Variants in MARK1 observed in about 807,000 individuals in gnomAD.
MARK1 encodes microtubule affinity regulating kinase 1.
In MARK1, 40 loss-of-function variants were observed where a neutral mutation model predicts 96.3. The ratio of observed to expected loss-of-function variants is 0.42; its 90% confidence interval spans 0.32 to 0.54. The LOEUF (loss-of-function observed/expected upper bound fraction) is 0.54, where lower values mean the gene tolerates loss of function less well. Ranked by LOEUF, MARK1 falls within the 20% of genes least tolerant of loss-of-function variation. The pLI is 0.16. For synonymous variants in MARK1, 317 were observed against 341.2 expected (o/e 0.93, Z 0.78); for missense variants, 719 against 984.6 (o/e 0.73, Z 3.61).
chr1:220,585,984 TACACACACACACACAC>T (rs1553322886), intron 3 of MARK1, among the ~76,000 whole-genome samples: 5 of 52,894 alleles, frequency 9.5e-5, no homozygotes, highest in African/African-American at 2.1e-4. Flanking sequence ...TACATACGTA[TACACACACACACACAC>T]ACACACACAC....
chr1:220,641,797 G>C (rs867236534), intron 13 of MARK1, among the ~76,000 whole-genome samples: 1 of 152,064 alleles, frequency 6.6e-6, no homozygotes, highest in Non-Finnish European at 1.5e-5. Flanking sequence ...GGGGGTGGGC[G>C]GTTCACCCAG....
intron 13 of MARK1, among the ~76,000 whole-genome samples, chr1:220,643,237 C>G (rs1668380393): frequency 6.6e-6 from 1 of 152,100 alleles, no homozygotes; most frequent in Admixed American, 6.5e-5. Context: ...ACTAGAATAA[C>G]CAGTTTAGAG....
rs560898355 is a variant in MARK1, at chr1:220,653,416, T to A, written c.1988+64T>A. Reference sequence around the variant, plus strand: ...AAATTATAAAGGAAACTAGACTTTTTAAAAAAATCTTTATAATAATTTTCT... The same window carrying A: ...AAATTATAAAGGAAACTAGACTTTTAAAAAAAATCTTTATAATAATTTTCT... On this transcript the variant is annotated intron_variant, in intron 16 of 17. Coordinates refer to ENST00000366917, the MANE Select transcript of MARK1 (RefSeq NM_018650.5). The A allele has an allele frequency of 6.8e-6, 10 of 1,479,850 alleles. No homozygotes were observed. In the Admixed American group the frequency reaches 8.8e-5, roughly 13 times the overall value. The allele number at this position is 1,479,850 out of a possible 1,614,324, so 91.7% of individuals were successfully genotyped here.
chr1:220,626,526 C>T, intron 9 of MARK1: 2 of 510,140 alleles, frequency 3.9e-6, no homozygotes, highest in South Asian at 1.5e-5. Flanking sequence ...TCAATCTGAT[C>T]ATCAAAGCAC....
At chr1:220,531,885 C>T (rs1660340924) in intron 1 of MARK1, among the ~76,000 whole-genome samples, 1 of 151,822 alleles carries the variant, frequency 6.6e-6, no homozygotes, top group Admixed American at 6.6e-5. Flanking sequence ...AACAGTAAGT[C>T]CAGAAAAAGA....
chr1:220,655,641 C>T (rs1241890637), intron 16 of MARK1, among the ~76,000 whole-genome samples: 2 of 152,186 alleles, frequency 1.3e-5, no homozygotes, highest in Admixed American at 1.3e-4. Context: ...TGTATCACTC[C>T]CGCCACTGCC....
Position 220,657,798 on chromosome 1 carries a change from G to A in MARK1, c.1997G>A (p.Ser666Asn), listed in dbSNP as rs1669256231. Residue 666 changes from serine to asparagine, a missense_variant, in exon 17 of 18, where the codon AGT (serine) becomes AAT (asparagine). Physicochemically the swap from Ser to Asn is conservative, Grantham distance 46. Around this residue, in one of 4 missense-constraint regions of MARK1, gnomAD observed 501 missense variants for 588.3 expected, o/e 0.85. Coordinates refer to ENST00000366917, the MANE Select transcript of MARK1 (RefSeq NM_018650.5). ...CTTCACTTTGTTTTGAGGGATCCAA[G>A]TGAAGGCGAAGCCAGTGGCAGAACC... Reference protein sequence around the residue: ...ITSKFVRRDPSEGEASGRTDT... With the variant: ...ITSKFVRRDPNEGEASGRTDT... 1 of 1,577,554 alleles carries A rather than the reference G, an allele frequency of 6.3e-7. No individual in the cohort carries two copies. The highest frequency in any genetic ancestry group is 2.3e-5 in the East Asian group (1 of 42,792).
At chr1:220,653,874 A>G (rs1669031952) in intron 16 of MARK1, among the ~76,000 whole-genome samples, 1 of 152,226 alleles carries the variant, frequency 6.6e-6, no homozygotes, top group African/African-American at 2.4e-5. Flanking sequence ...GGTCTAATCT[A>G]CTTAAACAAT....
At chr1:220,529,032 A>G (rs957784268) in intron 1 of MARK1, among the ~76,000 whole-genome samples, 159 bp downstream of exon 1, 3 of 152,148 alleles carry the variant, frequency 2.0e-5, no homozygotes, top group African/African-American at 7.2e-5. Context: ...GCTCAGCCCT[A>G]TTCTTCATTC....
chr1:220,539,247 A>G (rs1572043201), intron 1 of MARK1, among the ~76,000 whole-genome samples: 1 of 152,206 alleles, frequency 6.6e-6, no homozygotes, highest in Non-Finnish European at 1.5e-5. Context: ...TGTCCCATCA[A>G]TACCTAATTT....
At chr1:220,659,602 A>G (rs985206357) in intron 17 of MARK1, among the ~76,000 whole-genome samples, 4 of 152,174 alleles carry the variant, frequency 2.6e-5, no homozygotes, top group Admixed American at 2.6e-4. Context: ...TATTATATTA[A>G]TATCCACATT....
intron 13 of MARK1, among the ~76,000 whole-genome samples, chr1:220,636,856 T>C (rs142570465): frequency 0.015 from 2,206 of 150,856 alleles, 30 homozygotes; most frequent in Middle Eastern, 0.044. Context: ...TGAGCTGAGA[T>C]TGCACCATTG....
Position 220,644,449 on chromosome 1 carries a change from ACCC to A in MARK1, c.1471-6160_1471-6158del, listed in dbSNP as rs61146086. Among the ~76,000 whole-genome samples, 406 of 124,394 alleles carry A rather than the reference ACCC, an allele frequency of 3.3e-3. 7 individuals are homozygous for A. The highest frequency in any genetic ancestry group is 9.2e-3 in the African/African-American group (338 of 36,850). The allele number at this position is 124,394 out of a possible 152,430, so 81.6% of individuals were successfully genotyped here. On this transcript the variant is annotated intron_variant, in intron 13 of 17. Coordinates refer to ENST00000366917, the MANE Select transcript of MARK1 (RefSeq NM_018650.5). ...CTTAAAGACCTACAAAGAGACTTAG[ACCC>A]CCCCCCCCCCACACACACACAATAA...
intron 16 of MARK1, among the ~76,000 whole-genome samples, chr1:220,656,524 T>C (rs1423623990): frequency 6.6e-6 from 1 of 152,226 alleles, no homozygotes; most frequent in Non-Finnish European, 1.5e-5. Flanking sequence ...ACAGCATTAC[T>C]GTCTTGCTTG....
intron 6 of MARK1, among the ~76,000 whole-genome samples, chr1:220,613,003 G>A (rs575992289): frequency 9.2e-5 from 14 of 152,202 alleles, no homozygotes; most frequent in South Asian, 4.1e-4. Flanking sequence ...CAAAGTAACC[G>A]TGATAACTCC....
intron 1 of MARK1, among the ~76,000 whole-genome samples, chr1:220,547,826 A>G (rs148826356): frequency 6.6e-6 from 1 of 152,180 alleles, no homozygotes; most frequent in African/African-American, 2.4e-5. Context: ...TCAGCCTCCC[A>G]AAGTGCTGGG....
Position 220,654,930 on chromosome 1 carries a change from G to C in MARK1, c.1988+1578G>C, listed in dbSNP as rs191249436. Among the ~76,000 whole-genome samples the C allele has an allele frequency of 1.5e-3, 230 of 152,328 alleles. 1 individual carries two copies. The highest frequency in any genetic ancestry group is 5.3e-3 in the African/African-American group (221 of 41,570). Reference sequence around the variant, plus strand: ...GTGCCTTAGAGCTGGTCTGTTGGGAGGTTCTGATAAAGATTGCCATATAGT... The same window carrying C: ...GTGCCTTAGAGCTGGTCTGTTGGGACGTTCTGATAAAGATTGCCATATAGT... On this transcript the variant is annotated intron_variant, in intron 16 of 17. Coordinates refer to ENST00000366917, the MANE Select transcript of MARK1 (RefSeq NM_018650.5). This position sits in a 1 kb window ranked among gnomAD's most constrained non-coding sequence, Gnocchi z 4.0.
chr1:220,533,267 C>T (rs1281027587), intron 1 of MARK1, among the ~76,000 whole-genome samples: 2 of 152,074 alleles, frequency 1.3e-5, no homozygotes, highest in East Asian at 3.8e-4. Flanking sequence ...GTATATAGTA[C>T]ACATCAGTGG....
At chr1:220,638,411 A>T (rs1668090329) in intron 13 of MARK1, among the ~76,000 whole-genome samples, 1 of 152,186 alleles carries the variant, frequency 6.6e-6, no homozygotes, top group Non-Finnish European at 1.5e-5. Flanking sequence ...TTTATGGCCA[A>T]ATACTCCAAA....
Sources: allele counts gnomAD v4.1 joint callset (sites outside exome capture counted in the v4.1 genomes callset), GRCh38; gene constraint gnomAD v4.1.1; regional missense constraint gnomAD v4.1.1; non-coding constraint Gnocchi (gnomAD v3.1); transcripts MANE v1.5; gene names NCBI Gene and HGNC (gene_info 2026-07-23, HGNC 2026-07-21).